The following PLPP3 variants were observed in gnomAD, a reference collection of about 807,000 sequenced individuals.
The protein encoded by PLPP3 is PAP2 beta.
PLPP3 carries 6 observed loss-of-function variants against 29.6 expected under a neutral mutation model. The observed-to-expected ratio is 0.20, with a 90% CI of 0.11 to 0.40. The LOEUF (loss-of-function observed/expected upper bound fraction) is 0.40. Ranked by LOEUF, PLPP3 falls within the 10% of genes least tolerant of loss-of-function variation. The pLI, the probability that PLPP3 is intolerant of heterozygous loss-of-function variation, is 1.00. For missense variants in PLPP3, 308 were observed against 407.7 expected (o/e 0.76, Z 2.11); for synonymous variants, 152 against 159.7 (o/e 0.95, Z 0.36).
At chr1:56,566,222 G>C (rs1464971646) in intron 1 of PLPP3, among the ~76,000 whole-genome samples, 1 of 152,186 alleles carries the variant, frequency 6.6e-6, no homozygotes, top group Non-Finnish European at 1.5e-5. Flanking sequence ...GACGCTTCAG[G>C]GGTTGCCAAT....
At chr1:56,559,192 G>A (rs1387320016) in intron 1 of PLPP3, among the ~76,000 whole-genome samples, 1 of 152,200 alleles carries the variant, frequency 6.6e-6, no homozygotes, top group Non-Finnish European at 1.5e-5. Flanking sequence ...AGGAGCGGGT[G>A]CGTTAGCAGA....
chr1:56,560,991 C>T (rs1646122596), intron 1 of PLPP3, among the ~76,000 whole-genome samples: 2 of 151,290 alleles, frequency 1.3e-5, no homozygotes, highest in Admixed American at 1.3e-4. Flanking sequence ...GCGCCTGCCA[C>T]CATGCCCGGG....
At chr1:56,545,652 G>A (rs562626420) in intron 1 of PLPP3, among the ~76,000 whole-genome samples, 6 of 152,196 alleles carry the variant, frequency 3.9e-5, no homozygotes, top group Admixed American at 1.3e-4. Context: ...ATGCTGTATC[G>A]GAGGCAAGTC....
intron 5 of PLPP3, among the ~76,000 whole-genome samples, chr1:56,510,317 T>C (rs1026905680): frequency 2.0e-5 from 3 of 152,228 alleles, no homozygotes; most frequent in Admixed American, 6.5e-5. Flanking sequence ...GCTGCTCTCA[T>C]TAACGGTTTG....
At chr1:56,574,415 C>T (rs1030906978) in intron 1 of PLPP3, among the ~76,000 whole-genome samples, 2 of 151,786 alleles carry the variant, frequency 1.3e-5, no homozygotes, top group African/African-American at 2.4e-5. Flanking sequence ...CCACCACGCC[C>T]GGTTAATTTT....
At chr1:56,567,393 CTTTTTTTTTTT>C (rs1172831045) in intron 1 of PLPP3, among the ~76,000 whole-genome samples, 6 of 117,010 alleles carry the variant, frequency 5.1e-5, no homozygotes, top group African/African-American at 6.6e-5. Context: ...TAAGGTATTT[CTTTTTTTTTTT>C]TTTTTTTTTT....
chr1:56,577,912 C>T (rs1465754164), intron 1 of PLPP3, among the ~76,000 whole-genome samples: 1 of 150,746 alleles, frequency 6.6e-6, no homozygotes, highest in East Asian at 2.0e-4. Context: ...TTCCATTACA[C>T]CATGATTCGC....
chr1:56,555,892 A>C (rs1440933677), intron 1 of PLPP3, among the ~76,000 whole-genome samples: 1 of 152,246 alleles, frequency 6.6e-6, no homozygotes, highest in African/African-American at 2.4e-5. Context: ...TCAACTGGCC[A>C]AACTTAGTTA....
rs1321194018 is a variant in PLPP3 at position 56,562,104 on chromosome 1, T to C, written c.139+16774A>G. On this transcript the variant is annotated intron_variant, in intron 1 of 5. Transcript: ENST00000371250. ...GCACATACCAAGCAAAGAGAAAGAA[T>C]GGCATGGTAGAAAAGGACCTGGAAA... Among the ~76,000 whole-genome samples the C allele has an allele frequency of 3.4e-5, 4 of 119,346 alleles. No individual in the cohort carries two copies. The Admixed American group carries it at 3.5e-4, about 10-fold the overall frequency. The allele number at this position is 119,346 out of a possible 152,430, so 78.3% of individuals were successfully genotyped here.
At chr1:56,504,594 T>G (rs1645690728) in intron 5 of PLPP3, among the ~76,000 whole-genome samples, 1 of 152,058 alleles carries the variant, frequency 6.6e-6, no homozygotes, top group Non-Finnish European at 1.5e-5. Context: ...CTCCCCATTA[T>G]CCCCCAAGTT....
chr1:56,532,792 G>A (rs1645898849), intron 2 of PLPP3, among the ~76,000 whole-genome samples: 1 of 152,050 alleles, frequency 6.6e-6, no homozygotes, highest in African/African-American at 2.4e-5. Flanking sequence ...TCTCACACTA[G>A]CAATACCAAA....
chr1:56,574,790 A>G (rs1043869378), intron 1 of PLPP3, among the ~76,000 whole-genome samples: 1 of 152,230 alleles, frequency 6.6e-6, no homozygotes, highest in Non-Finnish European at 1.5e-5. Context: ...TCATACATAT[A>G]TAACAATTCA....
intron 5 of PLPP3, among the ~76,000 whole-genome samples, chr1:56,507,726 A>G (rs1414554896): frequency 6.6e-6 from 1 of 152,208 alleles, no homozygotes; most frequent in Non-Finnish European, 1.5e-5. Context: ...TTAAGTTAAG[A>G]TCTTGAGATG....
intron 2 of PLPP3, among the ~76,000 whole-genome samples, chr1:56,525,076 T>G (rs1243519733): frequency 6.6e-6 from 1 of 152,150 alleles, no homozygotes; most frequent in Non-Finnish European, 1.5e-5. Context: ...GGTTAAGTCC[T>G]GGGGAATTCA....
intron 1 of PLPP3, among the ~76,000 whole-genome samples, chr1:56,537,345 CCCAAGA>C (rs1645935206): frequency 6.6e-6 from 1 of 152,050 alleles, no homozygotes; most frequent in Non-Finnish European, 1.5e-5. Context: ...TCTTCTCTTC[CCCAAGA>C]GCTCGGAGGT....
At chr1:56,578,804 G>A in intron 1 of PLPP3, 74 bp downstream of exon 1, 1 of 1,373,564 alleles carries the variant, frequency 7.3e-7, no homozygotes, top group Non-Finnish European at 9.3e-7. Flanking sequence ...GCGCTGCGCG[G>A]CCCCGGACTG....
intron 1 of PLPP3, among the ~76,000 whole-genome samples, chr1:56,564,727 G>A (rs537657496): frequency 1.3e-5 from 2 of 152,232 alleles, no homozygotes; most frequent in East Asian, 1.9e-4. Flanking sequence ...CAGTCCCTAG[G>A]AATTCTGCTT....
At chr1:56,564,469 G>A (rs796398868) in intron 1 of PLPP3, among the ~76,000 whole-genome samples, 3 of 152,112 alleles carry the variant, frequency 2.0e-5, no homozygotes, top group Non-Finnish European at 4.4e-5. Context: ...AGATGCAAAC[G>A]TTATCATTTG....
intron 1 of PLPP3, among the ~76,000 whole-genome samples, chr1:56,567,733 C>G (rs539438589): frequency 1.3e-5 from 2 of 151,864 alleles, no homozygotes; most frequent in Non-Finnish European, 2.9e-5. Context: ...GCAGCCTCAA[C>G]GGAAAACAGT....
Sources: gnomAD v4.1 joint callset for allele counts (sites outside exome capture counted in the v4.1 genomes callset) on GRCh38, gnomAD v4.1.1 for gene constraint, MANE v1.5 for transcripts, NCBI Gene and HGNC (gene_info 2026-07-23, HGNC 2026-07-21) for gene names.